The following PTCD1 variants were observed in gnomAD, a reference collection of about 807,000 sequenced individuals.
PTCD1 encodes the protein pentatricopeptide repeat domain 1.
In PTCD1, 50 loss-of-function variants were observed where a neutral mutation model predicts 53.4. That is an observed-to-expected ratio of 0.94 (90% CI 0.75 to 1.19). The LOEUF (loss-of-function observed/expected upper bound fraction) is 1.19. Among genes scored for constraint, PTCD1 ranks in the 50% most tolerant of loss-of-function variants. The probability of loss-of-function intolerance (pLI) is 0.00; values close to 1 mark genes in which losing one functional copy is unlikely to be tolerated. For missense variants in PTCD1, 918 were observed against 904.8 expected, an observed-to-expected ratio of 1.01 and a Z score of -0.19; for synonymous variants, 413 against 394.8, an observed-to-expected ratio of 1.05 and a Z score of -0.55.
intron 3 of PTCD1, among the ~76,000 whole-genome samples, chr7:99,432,660 G>A (rs1483946216): frequency 1.3e-5 from 2 of 152,144 alleles, no homozygotes; most frequent in Non-Finnish European, 2.9e-5. Context: ...CGGTCCCAGG[G>A]GACCACTGTT....
At chr7:99,423,672 G>C in intron 7 of PTCD1, 103 bp downstream of exon 7, 1 of 1,585,554 alleles carries the variant, frequency 6.3e-7, no homozygotes, top group Non-Finnish European at 8.6e-7. Flanking sequence ...ACAGTTTCAA[G>C]CATGGCAACA....
intron 5 of PTCD1, among the ~76,000 whole-genome samples, chr7:99,426,180 C>T (rs1361627789): frequency 8.4e-6 from 1 of 118,430 alleles, no homozygotes; most frequent in Non-Finnish European, 1.5e-5. Flanking sequence ...CCACGGTCTC[C>T]CTCTCCCTCT....
intron 1 of PTCD1, 144 bp downstream of exon 1, chr7:99,438,548 G>C (rs1796590228): frequency 1.8e-6 from 2 of 1,128,404 alleles, no homozygotes; most frequent in African/African-American, 3.4e-5. Flanking sequence ...GGCCAACGCC[G>C]ACCCCTCTCC....
Position 99,434,644 on chromosome 7 carries a change from G to T in PTCD1, c.453+146C>A, listed in dbSNP as rs139640196. 7.0e-4 allele frequency: 696 copies of T among 995,426 alleles called. 6 individuals carry two copies. In the East Asian group the frequency reaches 0.016, roughly 23 times the overall value. 61.7% of individuals were successfully genotyped at this position (995,426 alleles called of 1,614,324 possible). On this transcript the variant is annotated intron_variant, in intron 2 of 7. Transcript: ENST00000292478. ...AAAACTGCGGTGGAGGATGGCAAAGGGTTGCGATACTTACAGCCATAAGGC... is the reference window on the plus strand; with the variant it reads ...AAAACTGCGGTGGAGGATGGCAAAGTGTTGCGATACTTACAGCCATAAGGC...
Position 99,424,865 on chromosome 7 carries a change from T to G in PTCD1, c.1667A>C (p.Gln556Pro), listed in dbSNP as rs1250302603. 6.2e-7 allele frequency: 1 copy of G among 1,614,244 alleles called. No homozygotes were observed. Among genetic ancestry groups the G allele is most frequent in the Non-Finnish European group, 8.5e-7 (1 of 1,180,036 alleles). The change falls in exon 6 of 8, where the codon CAG becomes CCG. Residue 556 changes from glutamine (Q) to proline (P), a missense_variant. Physicochemically the swap from Gln to Pro is moderately conservative, Grantham distance 76. Transcript: ENST00000292478. ...LAKRGLVPNLQTFCNLAIGCH... is the reference protein window; with the variant it reads ...LAKRGLVPNLPTFCNLAIGCH... ...CCCGATGGCCAGGTTGCAGAATGTC[T>G]GCAGGTTGGGGACGAGGCCCCTCTT...
intron 1 of PTCD1, among the ~76,000 whole-genome samples, chr7:99,437,394 TC>T (rs1388139051): frequency 2.0e-5 from 3 of 151,776 alleles, no homozygotes; most frequent in Non-Finnish European, 4.4e-5. Context: ...AATTTCCGCC[TC>T]CCGGATTCAA....
At position 99,419,402 on chromosome 7, in the gene PTCD1, C is replaced by T. The variant is rs200813675; in HGVS notation, c.*565G>A. 29 of 1,613,092 alleles carry T rather than the reference C, an allele frequency of 1.8e-5. No homozygotes were observed. Among genetic ancestry groups the T allele is most frequent in the Non-Finnish European group, 2.4e-5 (28 of 1,180,014 alleles). On this transcript the variant is annotated 3_prime_UTR_variant, in exon 8 of 8. Transcript: ENST00000292478. ...CTCCTCCGTTGCAGGGCCGCATCAT[C>T]GAGTGCACACACTGTGGCTGTCGTG...
Position 99,425,321 on chromosome 7 carries a change from G to A in PTCD1, c.1211C>T (p.Ala404Val), listed in dbSNP as rs1292975762. The A allele has an allele frequency of 1.9e-6, 3 of 1,614,168 alleles. No individual in the cohort carries two copies. The highest frequency in any genetic ancestry group is 4.5e-5 in the East Asian group (2 of 44,880). Reference sequence around the variant, plus strand: ...TGGTTGGGCCTTGCCGGGCACTCTGGCTTCCGGAGGCTCTGGAGGCCCAAG... The same window carrying A: ...TGGTTGGGCCTTGCCGGGCACTCTGACTTCCGGAGGCTCTGGAGGCCCAAG... ...QALGPPEPPEARVPGKAQPEV... is the reference protein window; with the variant it reads ...QALGPPEPPEVRVPGKAQPEV... The change falls in exon 6 of 8, where the codon GCC becomes GTC. Residue 404 changes from alanine (A) to valine (V), a missense_variant. Ala to Val is a moderately conservative substitution (Grantham distance 64, BLOSUM62 0). Coordinates refer to ENST00000292478, the MANE Select transcript of PTCD1 (RefSeq NM_015545.4).
At chr7:99,421,120 C>T (rs150665020) in intron 7 of PTCD1, among the ~76,000 whole-genome samples, 4 of 152,186 alleles carry the variant, frequency 2.6e-5, no homozygotes, top group East Asian at 3.9e-4. Context: ...AGCAGGGTTC[C>T]GCCCCCCAAA....
At chr7:99,423,525 TCTGCGAACTGACAGAAGGCCA>T (rs754341471) in intron 7 of PTCD1, among the ~76,000 whole-genome samples, 1 of 152,186 alleles carries the variant, frequency 6.6e-6, no homozygotes, top group Non-Finnish European at 1.5e-5. Context: ...GTTGGTGGCC[TCTGCGAACTGACAGAAGGCCA>T]CTGGGACAGA....
chr7:99,425,011 C>G lies in PTCD1; in HGVS notation c.1521G>C (p.Leu507=), dbSNP rs768600193. 1.2e-6 allele frequency: 2 copies of G among 1,614,250 alleles called. No homozygotes were observed. The highest frequency in any genetic ancestry group is 2.2e-5 in the East Asian group (1 of 44,892). ...VESGSPAESL[L]LALLDEHQVE... ...CCTGGTGCTCATCCAGGAGGGCCAG[C>G]AGCAAGGACTCTGCAGGACTCCCGG... The change falls in exon 6 of 8, where the codon CTG becomes CTC. Residue 507 remains leucine (L), a synonymous_variant. Transcript: ENST00000292478.
Position 99,425,187 on chromosome 7 carries a change from G to A in PTCD1, c.1345C>T (p.Pro449Ser), listed in dbSNP as rs1175314936. 6.2e-7 allele frequency: 1 copy of A among 1,613,210 alleles called. No individual in the cohort carries two copies. Among genetic ancestry groups the A allele is most frequent in the Non-Finnish European group, 8.5e-7 (1 of 1,179,274 alleles). ...EVNLLTPGAV[P>S]PTVVSFGTVT... Reference sequence around the variant, plus strand: ...GTTCCAAAGGAGACCACTGTAGGGGGAACGGCCCCGGGGGTCAGGAGGTTG... The same window carrying A: ...GTTCCAAAGGAGACCACTGTAGGGGAAACGGCCCCGGGGGTCAGGAGGTTG... Residue 449 changes from proline to serine, a missense_variant, in exon 6 of 8, where the codon CCC becomes TCC. By Grantham distance (74) the Pro-to-Ser change is moderately conservative (BLOSUM62 -1). Transcript: ENST00000292478.
In PTCD1 at chr7:99,429,686, G is replaced by A; in HGVS notation, c.715C>T (p.Gln239Ter). ...QSALKLRQQL[Q>*]AKNFELNLKT... ...AAGTTGAGCTCGAAGTTTTTGGCCT[G>A]CAGCTGCTGCCGGAGCTTCAGGGCG... Residue 239 changes from glutamine (Q) to a stop codon, truncating the protein, a stop_gained, in exon 4 of 8, where the codon CAG becomes TAG. Transcript: ENST00000292478. LOFTEE classifies it high-confidence loss of function. 1 of 1,614,214 alleles carries A rather than the reference G, an allele frequency of 6.2e-7. No homozygotes were observed. The highest frequency in any genetic ancestry group is 1.1e-5 in the South Asian group (1 of 91,084).
Position 99,425,226 on chromosome 7 carries a change from C to T in PTCD1, c.1306G>A (p.Val436Met), listed in dbSNP as rs577221004. The T allele has an allele frequency of 2.0e-5, 33 of 1,611,816 alleles. No homozygotes were observed. Among genetic ancestry groups the T allele is most frequent in the Middle Eastern group, 3.3e-4 (2 of 6,036 alleles). The change falls in exon 6 of 8, where the codon GTG becomes ATG. Residue 436 changes from valine to methionine, a missense_variant. Physicochemically the swap from Val to Met is conservative, Grantham distance 21. Transcript: ENST00000292478. ...LTAVALKPPP[V>M]ELEVNLLTPG... ...GTCAGGAGGTTGACTTCCAGCTCCA[C>T]GGGAGGTGGCTTCAGGGCCACTGCG... is the stretch of plus-strand genomic sequence containing the variant.
chr7:99,417,642 T>A lies in PTCD1; in HGVS notation c.*2325A>T. 1 of 1,603,024 alleles carries A rather than the reference T, an allele frequency of 6.2e-7. No individual in the cohort carries two copies. Among genetic ancestry groups the A allele is most frequent in the East Asian group, 2.2e-5 (1 of 44,858 alleles). On this transcript the variant is annotated 3_prime_UTR_variant, in exon 8 of 8. Coordinates refer to ENST00000292478, the MANE Select transcript of PTCD1 (RefSeq NM_015545.4). Reference sequence around the variant, plus strand: ...TGGTGTTGTTTTCAGCTCAAAATTCTGCCTTAGTCGACTGCAAGGGATCTT... The same window carrying A: ...TGGTGTTGTTTTCAGCTCAAAATTCAGCCTTAGTCGACTGCAAGGGATCTT...
intron 1 of PTCD1, among the ~76,000 whole-genome samples, chr7:99,437,083 C>G (rs1285707907): frequency 1.3e-5 from 2 of 152,188 alleles, no homozygotes; most frequent in Non-Finnish European, 2.9e-5. Context: ...CCAGGCTGGT[C>G]TAGAACTCCT....
chr7:99,434,507 C>T (rs1796383655), intron 2 of PTCD1, among the ~76,000 whole-genome samples: 2 of 140,284 alleles, frequency 1.4e-5, no homozygotes, highest in Admixed American at 1.4e-4. Flanking sequence ...TTTCTTTTTC[C>T]TTTTTTTTTT....
rs190617311 is a variant in PTCD1, at chr7:99,419,930, A to G, written c.*37T>C. The G allele has an allele frequency of 2.2e-4, 350 of 1,613,370 alleles. 1 individual carries two copies. The highest frequency in any genetic ancestry group is 1.9e-3 in the Admixed American group (112 of 60,028). On this transcript the variant is annotated 3_prime_UTR_variant, in exon 8 of 8. Transcript: ENST00000292478. ...ACTTGTCCTGGGGCTCCCACAGAGC[A>G]CTGGGGGCCGAGCACATTGTTCCAG...
At chr7:99,424,743 C>G in intron 6 of PTCD1, 52 bp downstream of exon 6, 1 of 1,606,210 alleles carries the variant, frequency 6.2e-7, no homozygotes, top group Non-Finnish European at 8.5e-7. Flanking sequence ...TCCTGAGCTG[C>G]AGAGTGCTCC....
Sources: gnomAD v4.1 joint callset for allele counts (sites outside exome capture counted in the v4.1 genomes callset) on GRCh38, gnomAD v4.1.1 for gene constraint, MANE v1.5 for transcripts, NCBI Gene and HGNC (gene_info 2026-07-23, HGNC 2026-07-21) for gene names.